KHDRBS1: variants seen among roughly 807,000 people sequenced by gnomAD.
The protein encoded by KHDRBS1 is KH domain-containing, RNA-binding, signal transduction-associated protein 1.
Under a neutral mutation model 48.4 loss-of-function variants are expected in KHDRBS1, and 7 were observed. That is an observed-to-expected ratio of 0.14 (90% CI 0.08 to 0.27). The LOEUF is 0.27. Among genes scored for constraint, KHDRBS1 ranks in the 10% least tolerant of loss-of-function variants. The probability of loss-of-function intolerance (pLI) is 1.00; values close to 1 mark genes in which losing one functional copy is unlikely to be tolerated. For missense variants in KHDRBS1, 458 were observed against 601.2 expected (o/e 0.76, Z 2.49); for synonymous variants, 241 against 235.8 (o/e 1.02, Z -0.20).
rs372327430 is a variant in KHDRBS1, at chr1:32,038,644, T to C, written c.1175+25T>C. 8.0e-5 allele frequency: 128 copies of C among 1,609,548 alleles called. No homozygotes were observed. The African/African-American group carries it at 1.6e-3, about 20-fold the overall frequency. Reference sequence around the variant, plus strand: ...GGTGAGTCAGGCAGTATAAGCACTGTTTTTTGTCCTGAGGATGGATGGAGG... The same window carrying C: ...GGTGAGTCAGGCAGTATAAGCACTGCTTTTTGTCCTGAGGATGGATGGAGG... On this transcript the variant is annotated intron_variant, in intron 7 of 8. Transcript: ENST00000327300.
In KHDRBS1 at chr1:32,037,925, C is replaced by T. The variant is rs746630573; in HGVS notation, c.996C>T (p.Gly332=). ...AITRGATVTR[G]VPPPPTVRGA... is the part of the protein sequence containing the mutation. ...CCAGAGGTGCCACTGTGACTCGAGG[C>T]GTGCCACCCCCACCTACTGTGAGGG... Residue 332 remains glycine, a synonymous_variant, in exon 6 of 9, where the codon GGC becomes GGT. Coordinates refer to ENST00000327300, the MANE Select transcript of KHDRBS1 (RefSeq NM_006559.3). 81 of 1,614,112 alleles carry T rather than the reference C, an allele frequency of 5.0e-5. No homozygotes were observed. Among genetic ancestry groups the T allele is most frequent in the African/African-American group, 9.3e-5 (7 of 74,938 alleles).
chr1:32,022,997 C>CT (rs2124363738), intron 1 of KHDRBS1, among the ~76,000 whole-genome samples: 1 of 152,126 alleles, frequency 6.6e-6, no homozygotes, highest in Non-Finnish European at 1.5e-5. Context: ...CTAATATTAA[C>CT]TTTTTTTGTG....
At chr1:32,057,450 G>A (rs1358821271) in intron 10 of KHDRBS1, among the ~76,000 whole-genome samples, 3 of 149,764 alleles carry the variant, frequency 2.0e-5, no homozygotes, top group Admixed American at 2.0e-4. Flanking sequence ...ATTTATGGGT[G>A]TTAGCCACCA....
chr1:32,015,099 T>C (rs1638711338), intron 1 of KHDRBS1, among the ~76,000 whole-genome samples: 1 of 152,196 alleles, frequency 6.6e-6, no homozygotes, highest in South Asian at 2.1e-4. Context: ...GACTCCCGCG[T>C]AGTTCACATG....
intron 1 of KHDRBS1, among the ~76,000 whole-genome samples, chr1:32,014,642 C>T (rs541567197): frequency 1.1e-4 from 17 of 152,378 alleles, no homozygotes; most frequent in African/African-American, 3.8e-4. Context: ...GCTCCCCGCC[C>T]CTTTCCCGAC....
At chr1:32,036,163 A>ATTTTTTTTTTTTTT (rs397742842) in intron 4 of KHDRBS1, among the ~76,000 whole-genome samples, 4 of 60,470 alleles carry the variant, frequency 6.6e-5, no homozygotes, top group African/African-American at 2.9e-4. Flanking sequence ...CATTTTGAAG[A>ATTTTTTTTTTTTTT]TTTTTTTTTT....
At chr1:32,057,294 C>G (rs552979058) in intron 10 of KHDRBS1, among the ~76,000 whole-genome samples, 1 of 152,274 alleles carries the variant, frequency 6.6e-6, no homozygotes, top group South Asian at 2.1e-4. Flanking sequence ...GATCCTCCAC[C>G]TCAGCCTCCC....
At chr1:32,023,497 C>T (rs1638901785) in intron 1 of KHDRBS1, among the ~76,000 whole-genome samples, 1 of 152,164 alleles carries the variant, frequency 6.6e-6, no homozygotes, top group African/African-American at 2.4e-5. Context: ...TTCTGAGTGG[C>T]TGGGAAACAA....
chr1:32,041,950 G>A (rs1021105386), intron 8 of KHDRBS1, among the ~76,000 whole-genome samples: 2 of 152,324 alleles, frequency 1.3e-5, no homozygotes. Flanking sequence ...CTACCAGAGA[G>A]AGCAGTATCA....
chr1:32,022,537 AC>A (rs1638879770), intron 1 of KHDRBS1, among the ~76,000 whole-genome samples: 1 of 151,870 alleles, frequency 6.6e-6, no homozygotes, highest in Non-Finnish European at 1.5e-5. Context: ...TCCTAGAAAT[AC>A]TCGCTCTGGA....
chr1:32,049,613 A>C (rs1200935001), intron 10 of KHDRBS1, among the ~76,000 whole-genome samples: 1 of 151,950 alleles, frequency 6.6e-6, no homozygotes, highest in African/African-American at 2.4e-5. Context: ...TATACCTAGA[A>C]GAATTTCTGG....
chr1:32,019,536 AAAC>A (rs1215286968), intron 1 of KHDRBS1, among the ~76,000 whole-genome samples: 1 of 152,142 alleles, frequency 6.6e-6, no homozygotes, highest in Non-Finnish European at 1.5e-5. Flanking sequence ...TCTCAAAAAA[AAAC>A]AAAAAGAAAG....
intron 1 of KHDRBS1, among the ~76,000 whole-genome samples, chr1:32,014,957 C>G (rs1027450558): frequency 8.5e-5 from 13 of 152,110 alleles, no homozygotes; most frequent in African/African-American, 3.1e-4. Context: ...TGGATCGGAG[C>G]TTGAGGTTTC....
chr1:32,033,018 T>C (rs927579723), intron 3 of KHDRBS1, among the ~76,000 whole-genome samples, 170 bp from the exon 4 acceptor site: 1 of 151,258 alleles, frequency 6.6e-6, no homozygotes, highest in African/African-American at 2.4e-5. Context: ...CTTTACTGTT[T>C]TTCTTTTTTC....
chr1:32,050,523 GT>G (rs1398164682), intron 10 of KHDRBS1, among the ~76,000 whole-genome samples: 1 of 151,520 alleles, frequency 6.6e-6, no homozygotes, highest in Non-Finnish European at 1.5e-5. Flanking sequence ...TTGTTTGTTT[GT>G]TTTTTGGAGA....
rs1001799293 is a variant in KHDRBS1 at position 32,056,083 on chromosome 1, G to T, written n.1302-4080G>T. Among the ~76,000 whole-genome samples the T allele has an allele frequency of 2.0e-5, 3 of 152,260 alleles. No individual in the cohort carries two copies. In the East Asian group the frequency reaches 5.8e-4, roughly 29 times the overall value. ...TTCATAGCCGTGCTGCTAAGGTTTA[G>T]CTTCTTAGCATTCCTTGATCACAGA... On this transcript the variant is annotated intron_variant and non_coding_transcript_variant, in intron 10 of 10. Transcript: ENST00000484270.
Position 32,055,067 on chromosome 1 carries a change from G to A in KHDRBS1, n.1302-5096G>A, listed in dbSNP as rs113573752. 4.0e-3 allele frequency among the ~76,000 whole-genome samples: 608 copies of A among 152,244 alleles called. 6 individuals carry two copies. Among genetic ancestry groups the A allele is most frequent in the African/African-American group, 0.014 (571 of 41,526 alleles). ...GGTCTTCTCTGTACCTAGGGTGGCC[G>A]CATGATCAGCTTACACCAAAGTAGT... On this transcript the variant is annotated intron_variant and non_coding_transcript_variant, in intron 10 of 10. Transcript: ENST00000484270.
chr1:32,026,666 A>G (rs1638977547), intron 1 of KHDRBS1, among the ~76,000 whole-genome samples: 1 of 152,246 alleles, frequency 6.6e-6, no homozygotes, highest in South Asian at 2.1e-4. Context: ...AGATGAACAG[A>G]CTTTGAATCG....
intron 10 of KHDRBS1, among the ~76,000 whole-genome samples, chr1:32,050,378 A>G (rs1249827308): frequency 6.6e-6 from 1 of 152,080 alleles, no homozygotes; most frequent in Non-Finnish European, 1.5e-5. Flanking sequence ...AAAATTTTCC[A>G]TTTTGTTGAA....
Sources: gnomAD v4.1 joint callset for allele counts (sites outside exome capture counted in the v4.1 genomes callset) on GRCh38, gnomAD v4.1.1 for gene constraint, MANE v1.5 for transcripts, NCBI Gene and HGNC (gene_info 2026-07-23, HGNC 2026-07-21) for gene names.